Variants in STK3 observed in about 807,000 individuals in gnomAD.
The protein encoded by STK3 is serine/threonine kinase 3.
STK3 carries 41 observed loss-of-function variants against 58.0 expected under a neutral mutation model. The ratio of observed to expected loss-of-function variants is 0.71; its 90% CI spans 0.55 to 0.92. The LOEUF (loss-of-function observed/expected upper bound fraction) is 0.92, where lower values mean the gene tolerates loss of function less well. STK3 is among the 40% of genes least tolerant of loss of function. STK3 has a pLI of 0.00. For synonymous variants in STK3, 170 were observed against 191.0 expected, an observed-to-expected ratio of 0.89 and a Z score of 0.91; for missense variants, 479 against 602.7, an observed-to-expected ratio of 0.79 and a Z score of 2.15.
At chr8:98,920,903 C>A (rs1265317106) in intron 1 of STK3, among the ~76,000 whole-genome samples, 2 of 152,236 alleles carry the variant, frequency 1.3e-5, no homozygotes, top group African/African-American at 4.8e-5. Context: ...ACAGGCATAC[C>A]TGTGAAACTA....
chr8:98,907,791 G>A (rs746476162), intron 1 of STK3, among the ~76,000 whole-genome samples: 1 of 152,174 alleles, frequency 6.6e-6, no homozygotes, highest in Non-Finnish European at 1.5e-5. Context: ...TCATAAAGTT[G>A]TTTAAATTAG....
chr8:98,447,881 T>G lies in STK3; in HGVS notation n.186-10673A>C, dbSNP rs927382361. Among the ~76,000 whole-genome samples, 15 of 148,614 alleles carry G rather than the reference T, an allele frequency of 1.0e-4. No homozygotes were observed. The East Asian group carries it at 2.5e-3, about 25-fold the overall frequency. ...GCAACCCATTAGATTACTCTGAAAT[T>G]GAAATAATTTTACATTAAGAACTTT... On this transcript the variant is annotated intron_variant and non_coding_transcript_variant, in intron 1 of 3. Coordinates refer to the STK3 transcript ENST00000517832.
At chr8:98,718,764 G>A (rs1314513711) in intron 4 of STK3, among the ~76,000 whole-genome samples, 3 of 151,414 alleles carry the variant, frequency 2.0e-5, no homozygotes, top group Admixed American at 1.3e-4. Flanking sequence ...TATTAAATAT[G>A]GTATTTCATA....
chr8:98,440,258 G>C (rs1185845939), intron 1 of STK3, among the ~76,000 whole-genome samples: 1 of 151,998 alleles, frequency 6.6e-6, no homozygotes, highest in Non-Finnish European at 1.5e-5. Flanking sequence ...ACACAGGCAG[G>C]GCCTTTCAGC....
chr8:98,836,235 T>G (rs558439741), intron 3 of STK3, among the ~76,000 whole-genome samples: 10 of 152,152 alleles, frequency 6.6e-5, no homozygotes, highest in African/African-American at 2.2e-4. Flanking sequence ...AGAAATTTAT[T>G]TCTCACAGTT....
intron 3 of STK3, among the ~76,000 whole-genome samples, chr8:98,419,221 C>T (rs993485645): frequency 6.6e-6 from 1 of 152,046 alleles, no homozygotes; most frequent in Non-Finnish European, 1.5e-5. Flanking sequence ...ATTAGCTGGG[C>T]GTGGTGGTGG....
intron 8 of STK3, among the ~76,000 whole-genome samples, chr8:98,551,484 AC>A (rs1432190881): frequency 6.6e-6 from 1 of 152,104 alleles, no homozygotes; most frequent in Admixed American, 6.6e-5. Flanking sequence ...ACAAAAACCA[AC>A]CCTGACAAAT....
At chr8:98,918,284 T>C (rs1839419870) in intron 1 of STK3, among the ~76,000 whole-genome samples, 1 of 152,142 alleles carries the variant, frequency 6.6e-6, no homozygotes, top group African/African-American at 2.4e-5. Flanking sequence ...CTAGTTTAGC[T>C]GGGGGGTCAA....
At chr8:98,603,075 T>C (rs1228335225) in intron 6 of STK3, among the ~76,000 whole-genome samples, 1 of 152,138 alleles carries the variant, frequency 6.6e-6, no homozygotes, top group Non-Finnish European at 1.5e-5. Context: ...GCTCTGGGTA[T>C]CTTGCTAGGC....
chr8:98,403,336 T>TC (rs1269033231), intron 3 of STK3, among the ~76,000 whole-genome samples: 6 of 152,140 alleles, frequency 3.9e-5, no homozygotes, highest in African/African-American at 1.4e-4. Context: ...TAGTTTTGTC[T>TC]CCCCCATAGA....
At chr8:98,847,859 G>T (rs151109153) in intron 3 of STK3, among the ~76,000 whole-genome samples, 1 of 152,162 alleles carries the variant, frequency 6.6e-6, no homozygotes, top group East Asian at 1.9e-4. Context: ...TTCAAGTAGG[G>T]AATAGAGTCC....
intron 10 of STK3, among the ~76,000 whole-genome samples, chr8:98,494,970 A>G (rs1465917394): frequency 1.3e-5 from 2 of 152,244 alleles, no homozygotes; most frequent in African/African-American, 4.8e-5. Flanking sequence ...TCCAACCACT[A>G]AATTAAACAC....
chr8:98,489,891 T>A (rs1822559368), intron 10 of STK3, among the ~76,000 whole-genome samples: 1 of 152,194 alleles, frequency 6.6e-6, no homozygotes, highest in Admixed American at 6.5e-5. Context: ...AAACACATTG[T>A]CAGGTTTGGC....
intron 3 of STK3, among the ~76,000 whole-genome samples, chr8:98,758,318 G>A (rs943986491): frequency 1.3e-5 from 2 of 152,164 alleles, no homozygotes; most frequent in African/African-American, 4.8e-5. Context: ...GCATCATTCT[G>A]ATACCAAAAT....
intron 3 of STK3, among the ~76,000 whole-genome samples, chr8:98,836,155 C>T (rs1835738985): frequency 6.6e-6 from 1 of 151,842 alleles, no homozygotes. Flanking sequence ...GAGCTGAGAT[C>T]GCACTATTGC....
chr8:98,480,786 T>C (rs1821786794), intron 10 of STK3, among the ~76,000 whole-genome samples: 1 of 152,166 alleles, frequency 6.6e-6, no homozygotes, highest in African/African-American at 2.4e-5. Context: ...AATAGTCTAC[T>C]ACATCAGAGG....
chr8:98,453,949 A>G (rs555357370), downstream of STK3, among the ~76,000 whole-genome samples: 69 of 152,352 alleles, frequency 4.5e-4, no homozygotes, highest in Admixed American at 1.1e-3. Flanking sequence ...ACTCCAGTAT[A>G]GATTTGCTGA....
At chr8:98,382,465 C>G (rs892824719) in intron 1 of STK3, among the ~76,000 whole-genome samples, 1 of 152,128 alleles carries the variant, frequency 6.6e-6, no homozygotes, top group African/African-American at 2.4e-5. Context: ...CATTCCCAGC[C>G]CCAGGGTGGT....
chr8:98,427,893 C>A, intron 3 of STK3: 2 of 1,211,820 alleles, frequency 1.7e-6, no homozygotes, highest in Non-Finnish European at 2.3e-6. Context: ...GGGGCCCCGC[C>A]AGGGCGCACG....
Sources: gnomAD v4.1 joint callset for allele counts (sites outside exome capture counted in the v4.1 genomes callset) on GRCh38, gnomAD v4.1.1 for gene constraint, MANE v1.5 for transcripts, NCBI Gene and HGNC (gene_info 2026-07-23, HGNC 2026-07-21) for gene names.